VWC2: variants seen among roughly 807,000 people sequenced by gnomAD.
VWC2 encodes the protein brorin.
VWC2 carries 14 observed loss-of-function variants against 29.8 expected under a neutral mutation model. The observed-to-expected ratio is 0.47, with a 90% CI of 0.31 to 0.74. The LOEUF is 0.74. Among genes scored for constraint, VWC2 ranks in the 30% least tolerant of loss-of-function variants. VWC2 has a pLI of 0.05. For missense variants in VWC2, 457 were observed against 459.8 expected, an observed-to-expected ratio of 0.99 and a Z score of 0.05; for synonymous variants, 213 against 199.0, an observed-to-expected ratio of 1.07 and a Z score of -0.59.
At chr7:49,853,819 C>T (rs1583682838) in intron 3 of VWC2, among the ~76,000 whole-genome samples, 1 of 151,876 alleles carries the variant, frequency 6.6e-6, no homozygotes, top group East Asian at 1.9e-4. Context: ...CACCCATTAA[C>T]TGGTCATTTA....
Position 49,916,373 on chromosome 7 carries a change from G to A in VWC2, c.*4188G>A, listed in dbSNP as rs1270389731. 1 of 152,162 alleles carries A rather than the reference G, an allele frequency of 6.6e-6. No individual in the cohort carries two copies. Among genetic ancestry groups the A allele is most frequent in the Non-Finnish European group, 1.5e-5 (1 of 68,024 alleles). The allele number at this position is 152,162 out of a possible 1,614,324, so 9.4% of individuals were successfully genotyped here. A position where few individuals can be genotyped will look rare whatever the true frequency, so the allele number is the denominator to read the frequency against. ...CATGGTCTTTACTATCTCAGATCCT[G>A]CCCTGAGTGTCCTTTGCAGCATGTT... On this transcript the variant is annotated 3_prime_UTR_variant, in exon 4 of 4. Transcript: ENST00000340652.
Position 49,914,946 on chromosome 7 carries a change from TG to T in VWC2, c.*2762del, listed in dbSNP as rs1284036713. The T allele has an allele frequency of 6.6e-6, 1 of 152,236 alleles. No individual in the cohort carries two copies. Among genetic ancestry groups the T allele is most frequent in the Non-Finnish European group, 1.5e-5 (1 of 68,032 alleles). The allele number at this position is 152,236 out of a possible 1,614,324, so 9.4% of individuals were successfully genotyped here. Reference sequence around the variant, plus strand: ...AGTACCTAATAATTGTTAAATGATTTGTTCAAGTTAATAAACTAAATCGTGC... The same window carrying T: ...AGTACCTAATAATTGTTAAATGATTTTTCAAGTTAATAAACTAAATCGTGC... On this transcript the variant is annotated 3_prime_UTR_variant, in exon 4 of 4. Coordinates refer to ENST00000340652, the MANE Select transcript of VWC2 (RefSeq NM_198570.5).
chr7:49,775,646 G>T lies in VWC2; in HGVS notation c.211G>T (p.Gly71Cys). 6.5e-7 allele frequency: 1 copy of T among 1,528,880 alleles called. No individual in the cohort carries two copies. Among genetic ancestry groups the T allele is most frequent in the Non-Finnish European group, 8.8e-7 (1 of 1,140,934 alleles). 94.7% of individuals were successfully genotyped at this position (1,528,880 alleles called of 1,614,324 possible). A position where few individuals can be genotyped will look rare whatever the true frequency, so the allele number is the denominator to read the frequency against. ...CGGGCGCCCGGCGAGGGACGAGGGC[G>T]GCAGCGGCCGGGACTGGAAGAGCAA... is the stretch of plus-strand genomic sequence containing the variant. ...ELGRPARDEG[G>C]SGRDWKSKSG... Residue 71 changes from glycine (G) to cysteine (C), a missense_variant, in exon 2 of 4, where the codon GGC (glycine) becomes TGC (cysteine). By Grantham distance (159) the Gly-to-Cys change is radical (BLOSUM62 -3). Around this residue, in one of 2 missense-constraint regions of VWC2, gnomAD observed 272 missense variants for 202.7 expected, o/e 1.34. Transcript: ENST00000340652.
intron 3 of VWC2, among the ~76,000 whole-genome samples, chr7:49,863,332 TTC>T (rs1435393855): frequency 6.6e-6 from 1 of 152,234 alleles, no homozygotes; most frequent in Non-Finnish European, 1.5e-5. Context: ...AATTTGTATC[TTC>T]TCTCTTTTTA....
At chr7:49,793,335 CT>C (rs76845019) in intron 2 of VWC2, among the ~76,000 whole-genome samples, 4,547 of 145,820 alleles carry the variant, frequency 0.031, 68 homozygotes, top group Non-Finnish European at 0.039. Flanking sequence ...TTCTAACCCT[CT>C]TTTTTTTTTT....
chr7:49,884,801 G>C (rs1042061902), intron 3 of VWC2, among the ~76,000 whole-genome samples: 1 of 151,904 alleles, frequency 6.6e-6, no homozygotes, highest in Non-Finnish European at 1.5e-5. Flanking sequence ...GATTCCAAAG[G>C]AGAGAAAAAC....
intron 2 of VWC2, among the ~76,000 whole-genome samples, chr7:49,789,364 TGTGA>T (rs1004992125): frequency 3.3e-5 from 5 of 151,730 alleles, no homozygotes; most frequent in South Asian, 4.2e-4. Flanking sequence ...TGTGTGTGTG[TGTGA>T]GTGTGAGTGT....
chr7:49,871,819 C>G (rs1274166354), intron 3 of VWC2, among the ~76,000 whole-genome samples: 1 of 142,820 alleles, frequency 7.0e-6, no homozygotes, highest in Non-Finnish European at 1.5e-5. Flanking sequence ...AATTATACAC[C>G]CAATCAAAGA....
At chr7:49,843,346 A>G (rs1400489267) in intron 3 of VWC2, among the ~76,000 whole-genome samples, 1 of 152,208 alleles carries the variant, frequency 6.6e-6, no homozygotes, top group Non-Finnish European at 1.5e-5. Flanking sequence ...TCAGATGTGA[A>G]AAATCTCCCA....
chr7:49,804,815 A>T (rs929339128), intron 3 of VWC2, among the ~76,000 whole-genome samples: 1 of 152,106 alleles, frequency 6.6e-6, no homozygotes. Flanking sequence ...CTCTCTATAT[A>T]CATAACCCAA....
At chr7:49,795,851 A>G (rs909132224) in intron 2 of VWC2, among the ~76,000 whole-genome samples, 4 of 152,146 alleles carry the variant, frequency 2.6e-5, no homozygotes, top group Non-Finnish European at 4.4e-5. Flanking sequence ...CTTTAGTTGC[A>G]CTGAGTCTAG....
At chr7:49,839,781 G>C (rs1452725830) in intron 3 of VWC2, among the ~76,000 whole-genome samples, 1 of 152,166 alleles carries the variant, frequency 6.6e-6, no homozygotes, top group Non-Finnish European at 1.5e-5. Flanking sequence ...CACAAACGGG[G>C]CCTTTGACAT....
intron 3 of VWC2, among the ~76,000 whole-genome samples, chr7:49,811,398 G>A (rs568860799): frequency 2.0e-4 from 31 of 152,166 alleles, no homozygotes; most frequent in Non-Finnish European, 4.4e-4. Flanking sequence ...GAGTTCCCAT[G>A]AGAGCTGATG....
At chr7:49,892,538 C>G (rs1039584799) in intron 3 of VWC2, among the ~76,000 whole-genome samples, 3 of 152,166 alleles carry the variant, frequency 2.0e-5, no homozygotes, top group Non-Finnish European at 4.4e-5. Context: ...TAGAAATCAG[C>G]AAAGGCACAT....
intron 3 of VWC2, among the ~76,000 whole-genome samples, chr7:49,890,880 A>G: frequency 6.6e-6 from 1 of 152,120 alleles, no homozygotes; most frequent in East Asian, 1.9e-4. Context: ...GATTTGTATC[A>G]GGCAATAGGA....
chr7:49,884,184 G>T lies in VWC2; in HGVS notation c.827-27850G>T, dbSNP rs1035111991. 2.6e-5 allele frequency among the ~76,000 whole-genome samples: 4 copies of T among 152,332 alleles called. No homozygotes were observed. The East Asian group carries it at 7.7e-4, about 29-fold the overall frequency. Reference sequence around the variant, plus strand: ...CAGTCCCATGGAGTGTGGGAGGGAAGAAGGGTCCAGGCTGCTGGCTGAGGA... The same window carrying T: ...CAGTCCCATGGAGTGTGGGAGGGAATAAGGGTCCAGGCTGCTGGCTGAGGA... On this transcript the variant is annotated intron_variant, in intron 3 of 3. Coordinates refer to ENST00000340652, the MANE Select transcript of VWC2 (RefSeq NM_198570.5).
intron 2 of VWC2, among the ~76,000 whole-genome samples, chr7:49,796,575 C>T (rs753034457): frequency 4.6e-5 from 7 of 152,048 alleles, no homozygotes; most frequent in African/African-American, 7.2e-5. Context: ...GTAGGCATCC[C>T]GGTAGATGGT....
chr7:49,879,589 T>A (rs942302255), intron 3 of VWC2, among the ~76,000 whole-genome samples: 5 of 152,296 alleles, frequency 3.3e-5, no homozygotes, highest in Middle Eastern at 3.4e-3. Context: ...GCAGCACTTC[T>A]GGGTCCTGAC....
At chr7:49,847,024 G>T (rs1789969838) in intron 3 of VWC2, among the ~76,000 whole-genome samples, 1 of 152,186 alleles carries the variant, frequency 6.6e-6, no homozygotes, top group Non-Finnish European at 1.5e-5. Context: ...CTTGCAGTGA[G>T]CAGAAGGTCT....
Sources: gnomAD v4.1 joint callset for allele counts (sites outside exome capture counted in the v4.1 genomes callset) on GRCh38, gnomAD v4.1.1 for gene constraint, gnomAD v4.1.1 regional missense constraint, MANE v1.5 for transcripts, NCBI Gene and HGNC (gene_info 2026-07-23, HGNC 2026-07-21) for gene names.